The following ATP2B2 variants were observed in gnomAD, a reference collection of about 807,000 sequenced individuals.
The protein encoded by ATP2B2 is plasma membrane calcium-transporting ATPase 2.
Under a neutral mutation model 120.0 loss-of-function variants are expected in ATP2B2, and 15 were observed. The observed-to-expected ratio is 0.12, with a 90% confidence interval of 0.08 to 0.19. The LOEUF (loss-of-function observed/expected upper bound fraction) is 0.19. ATP2B2 is among the 10% of genes least tolerant of loss of function. The pLI is 1.00. For missense variants in ATP2B2, 1,045 were observed against 1,719.8 expected, an observed-to-expected ratio of 0.61 and a Z score of 6.94; for synonymous variants, 694 against 700.3, an observed-to-expected ratio of 0.99 and a Z score of 0.14.
In ATP2B2 at chr3:10,635,019, C is replaced by T. The variant is rs1372625199; in HGVS notation, c.-459-15058G>A. 2.0e-5 allele frequency among the ~76,000 whole-genome samples: 3 copies of T among 151,842 alleles called. No individual in the cohort carries two copies. The highest frequency in any genetic ancestry group is 4.4e-5 in the Non-Finnish European group (3 of 67,994). On this transcript the variant is annotated intron_variant, in intron 1 of 21. Transcript: ENST00000646379. The surrounding 1 kb of genome is among the most constrained non-coding windows in gnomAD (Gnocchi z 4.3). Reference sequence around the variant, plus strand: ...CAGCGTATGGGATTGGTTGTTCCTACGTGATAGAAGAAAGAGCCTTCCAAC... The same window carrying T: ...CAGCGTATGGGATTGGTTGTTCCTATGTGATAGAAGAAAGAGCCTTCCAAC...
At chr3:10,661,490 C>T (rs1217700539) in intron 1 of ATP2B2, among the ~76,000 whole-genome samples, 1 of 152,098 alleles carries the variant, frequency 6.6e-6, no homozygotes, top group Non-Finnish European at 1.5e-5. Flanking sequence ...GAGTGAACTC[C>T]CATTCACAGT....
At chr3:10,702,677 T>G (rs1428931544) in intron 1 of ATP2B2, among the ~76,000 whole-genome samples, 1 of 152,192 alleles carries the variant, frequency 6.6e-6, no homozygotes, top group African/African-American at 2.4e-5. Context: ...AGCACAATCT[T>G]TGGTCATTTT....
In ATP2B2 at chr3:10,542,972, C is replaced by T. The variant is rs141133624; in HGVS notation, c.-414-8839G>A. On this transcript the variant is annotated intron_variant, in intron 2 of 21. Coordinates refer to the ATP2B2 transcript ENST00000646379. Reference sequence around the variant, plus strand: ...ACCTCCTTCCAGTAGTCCAATGACACGAGTGTTAAATCTTTTGTTAAATCA... The same window carrying T: ...ACCTCCTTCCAGTAGTCCAATGACATGAGTGTTAAATCTTTTGTTAAATCA... Among the ~76,000 whole-genome samples, 4 of 152,200 alleles carry T rather than the reference C, an allele frequency of 2.6e-5. No homozygotes were observed. In the East Asian group the frequency reaches 5.8e-4, roughly 22 times the overall value.
intron 1 of ATP2B2, among the ~76,000 whole-genome samples, chr3:10,453,211 T>C (rs958586898): frequency 6.6e-6 from 1 of 152,184 alleles, no homozygotes; most frequent in Non-Finnish European, 1.5e-5. Flanking sequence ...GGGAAGGAAA[T>C]TAACTTTGAT....
chr3:10,676,869 C>T (rs1177773672), intron 1 of ATP2B2, among the ~76,000 whole-genome samples: 1 of 152,154 alleles, frequency 6.6e-6, no homozygotes, highest in East Asian at 1.9e-4. Context: ...TGTCATGGTA[C>T]AAACCTAGTA....
intron 1 of ATP2B2, among the ~76,000 whole-genome samples, chr3:10,680,306 T>C (rs563542293): frequency 6.6e-6 from 1 of 152,166 alleles, no homozygotes; most frequent in Admixed American, 6.5e-5. Context: ...TGCAAGAGCC[T>C]GTGGTTTCTG....
intron 1 of ATP2B2, among the ~76,000 whole-genome samples, chr3:10,486,310 G>GGTGT (rs1213759033): frequency 2.0e-4 from 24 of 118,288 alleles, no homozygotes; most frequent in South Asian, 3.6e-4. Flanking sequence ...ACAGCAGCCA[G>GGTGT]GTGTGTGTGC....
chr3:10,348,796 G>A (rs2060497903), intron 16 of ATP2B2, among the ~76,000 whole-genome samples: 2 of 152,214 alleles, frequency 1.3e-5, no homozygotes, highest in Admixed American at 1.3e-4. Flanking sequence ...GCTGCGTGCA[G>A]CCTGGCCCAT....
chr3:10,374,644 C>T (rs1404694738), intron 11 of ATP2B2, among the ~76,000 whole-genome samples: 2 of 152,156 alleles, frequency 1.3e-5, no homozygotes, highest in East Asian at 1.9e-4. Flanking sequence ...AAATGAGACC[C>T]GGGTGTGAGA....
chr3:10,515,154 TG>T (rs1268995795), intron 3 of ATP2B2, among the ~76,000 whole-genome samples: 1 of 152,206 alleles, frequency 6.6e-6, no homozygotes, highest in Non-Finnish European at 1.5e-5. Context: ...CACTTACCAC[TG>T]GGTGGCCTTG....
intron 22 of ATP2B2, among the ~76,000 whole-genome samples, chr3:10,331,655 T>C (rs1430350277): frequency 2.2e-4 from 19 of 85,060 alleles, no homozygotes; most frequent in Middle Eastern, 5.2e-3. Context: ...GAAAAAACTA[T>C]GGGAAAAAAA....
chr3:10,369,304 C>A (rs1023116009), intron 12 of ATP2B2, among the ~76,000 whole-genome samples: 1 of 152,158 alleles, frequency 6.6e-6, no homozygotes, highest in African/African-American at 2.4e-5. Flanking sequence ...GAAAGGGGAG[C>A]CCCTGAGAGG....
In ATP2B2 at chr3:10,328,408, A is replaced by AAAAC. The variant is rs902137162; in HGVS notation, c.*402_*405dup. The AAAAC allele has an allele frequency of 1.4e-4, 27 of 190,908 alleles. No individual in the cohort carries two copies. The highest frequency in any genetic ancestry group is 3.8e-4 in the African/African-American group (16 of 42,324). 11.8% of individuals were successfully genotyped at this position (190,908 alleles called of 1,614,324 possible). A position where few individuals can be genotyped will look rare whatever the true frequency, so the allele number is the denominator to read the frequency against. On this transcript the variant is annotated 3_prime_UTR_variant, in exon 23 of 23. Transcript: ENST00000360273. ...AGTCTGTTTGCAGTTCCCGCCTAAG[A>AAAAC]AAACAAACAAACAAACAAAAACCCC...
At chr3:10,395,017 C>T (rs1448948594) in intron 5 of ATP2B2, among the ~76,000 whole-genome samples, 1 of 152,194 alleles carries the variant, frequency 6.6e-6, no homozygotes, top group Non-Finnish European at 1.5e-5. Context: ...CCTGCCCCTG[C>T]CCTCTGTGGG....
chr3:10,543,982 G>A (rs1024407437), intron 2 of ATP2B2, among the ~76,000 whole-genome samples: 5 of 152,150 alleles, frequency 3.3e-5, no homozygotes, highest in South Asian at 2.1e-4. Flanking sequence ...CAGGTGATCC[G>A]CTTGCCTCGG....
At chr3:10,705,169 C>T (rs557857603) in intron 1 of ATP2B2, among the ~76,000 whole-genome samples, 1 of 152,330 alleles carries the variant, frequency 6.6e-6, no homozygotes, top group African/African-American at 2.4e-5. Flanking sequence ...TCTCTCTTTG[C>T]TCTCTACCTA....
rs1047732054 is a variant in ATP2B2, at chr3:10,386,470, C to T, written c.940+10G>A. 7.4e-6 allele frequency: 12 copies of T among 1,613,924 alleles called. No homozygotes were observed. The African/African-American group carries it at 1.2e-4, about 16-fold the overall frequency. On this transcript the variant is annotated intron_variant, in intron 7 of 22. Coordinates refer to ENST00000360273, the MANE Select transcript of ATP2B2 (RefSeq NM_001001331.4). ...AAAAGCCCATCTACCCTGAGGGTGTCTTACTGTACCTGGTAGCTGAAGGCC... is the reference window on the plus strand; with the variant it reads ...AAAAGCCCATCTACCCTGAGGGTGTTTTACTGTACCTGGTAGCTGAAGGCC...
intron 2 of ATP2B2, among the ~76,000 whole-genome samples, chr3:10,418,422 G>A (rs536995661): frequency 6.6e-6 from 1 of 152,332 alleles, no homozygotes; most frequent in East Asian, 1.9e-4. Context: ...CTTACTTTCT[G>A]CTCTAGTGCT....
chr3:10,692,304 CCCTG>C (rs1250253899), intron 1 of ATP2B2, among the ~76,000 whole-genome samples: 2 of 152,204 alleles, frequency 1.3e-5, no homozygotes, highest in Non-Finnish European at 2.9e-5. Flanking sequence ...CTGTCCTATT[CCCTG>C]CCTCTCCCCC....
Sources: gnomAD v4.1 joint callset for allele counts (sites outside exome capture counted in the v4.1 genomes callset) on GRCh38, gnomAD v4.1.1 for gene constraint, Gnocchi (gnomAD v3.1) non-coding constraint, MANE v1.5 for transcripts, NCBI Gene and HGNC (gene_info 2026-07-23, HGNC 2026-07-21) for gene names.